The following GALNTL6 variants were observed in gnomAD, a reference collection of about 807,000 sequenced individuals.
GALNTL6 encodes polypeptide N-acetylgalactosaminyltransferase like 6, also known as polypeptide N-acetylgalactosaminyltransferase-like 6.
GALNTL6 carries 46 observed loss-of-function variants against 73.7 expected under a neutral mutation model. The observed-to-expected ratio is 0.62, with a 90% CI of 0.49 to 0.80. GALNTL6 has a LOEUF of 0.80. GALNTL6 is among the 30% of genes least tolerant of loss of function. GALNTL6 has a pLI of 0.00. For synonymous variants in GALNTL6, 259 were observed against 263.7 expected (o/e 0.98, Z 0.17); for missense variants, 604 against 755.0 (o/e 0.80, Z 2.34).
At chr4:172,709,248 C>T (rs1328522434) in intron 5 of GALNTL6, among the ~76,000 whole-genome samples, 1 of 152,098 alleles carries the variant, frequency 6.6e-6, no homozygotes, top group African/African-American at 2.4e-5. Context: ...CCTCCAAGCA[C>T]CCCATCAAAC....
rs184238929 is a variant in GALNTL6 at position 172,328,878 on chromosome 4, C to A, written c.386+17126C>A. Among the ~76,000 whole-genome samples the A allele has an allele frequency of 9.2e-5, 14 of 152,312 alleles. No individual in the cohort carries two copies. The East Asian group carries it at 2.1e-3, about 23-fold the overall frequency. On this transcript the variant is annotated intron_variant, in intron 4 of 12. Transcript: ENST00000506823. ...GTTTCTGTCATTTCAGCCAACTCAT[C>A]CTGGTTAAGAACCCTTGGAAAACTA...
chr4:172,128,121 G>A (rs1186051817), intron 2 of GALNTL6, among the ~76,000 whole-genome samples: 1 of 151,800 alleles, frequency 6.6e-6, no homozygotes, highest in Non-Finnish European at 1.5e-5. Flanking sequence ...GAAAAAAAAA[G>A]TGTCTAAACA....
At chr4:171,942,821 G>A (rs1738591960) in intron 2 of GALNTL6, among the ~76,000 whole-genome samples, 1 of 152,194 alleles carries the variant, frequency 6.6e-6, no homozygotes, top group Non-Finnish European at 1.5e-5. Flanking sequence ...TGTGATGGTT[G>A]TTTGAAAGGG....
intron 7 of GALNTL6, among the ~76,000 whole-genome samples, chr4:172,824,652 T>C (rs187624284): frequency 7.9e-5 from 12 of 152,244 alleles, no homozygotes; most frequent in African/African-American, 2.6e-4. Flanking sequence ...GAGTCTATGC[T>C]GCTGTCTTCT....
At chr4:172,017,401 C>T (rs1741235208) in intron 2 of GALNTL6, among the ~76,000 whole-genome samples, 1 of 152,054 alleles carries the variant, frequency 6.6e-6, no homozygotes, top group Non-Finnish European at 1.5e-5. Flanking sequence ...GGAGTGTGCT[C>T]CTCCTGTGGG....
rs201529254 is a variant in GALNTL6, at chr4:172,337,976, A to T, written c.387-10547A>T. On this transcript the variant is annotated intron_variant, in intron 4 of 12. Coordinates refer to ENST00000506823, the MANE Select transcript of GALNTL6 (RefSeq NM_001034845.3). Reference sequence around the variant, plus strand: ...GAAGACTTAATTCATTTTCTAATTTAAAAAAAAAAGATTTTTGCTTGACTA... The same window carrying T: ...GAAGACTTAATTCATTTTCTAATTTTAAAAAAAAAGATTTTTGCTTGACTA... Among the ~76,000 whole-genome samples, 124 of 149,082 alleles carry T rather than the reference A, an allele frequency of 8.3e-4. 2 individuals are homozygous for T. In the South Asian group the frequency reaches 0.016, roughly 19 times the overall value.
At chr4:172,524,127 A>G (rs1233970303) in intron 5 of GALNTL6, among the ~76,000 whole-genome samples, 1 of 152,204 alleles carries the variant, frequency 6.6e-6, no homozygotes, top group Non-Finnish European at 1.5e-5. Context: ...TATATAAATG[A>G]AGTTCAGTAA....
At chr4:172,933,784 C>T (rs992621778) in intron 9 of GALNTL6, among the ~76,000 whole-genome samples, 15 of 152,136 alleles carry the variant, frequency 9.9e-5, no homozygotes, top group African/African-American at 3.4e-4. Flanking sequence ...TGCAGGGCCA[C>T]GTCTACTCAA....
chr4:172,215,921 T>G (rs1388382061), intron 2 of GALNTL6, among the ~76,000 whole-genome samples: 1 of 152,136 alleles, frequency 6.6e-6, no homozygotes, highest in Non-Finnish European at 1.5e-5. Context: ...CTAATTAATC[T>G]AAGTCCACAG....
At chr4:172,073,764 C>T (rs982339257) in intron 2 of GALNTL6, among the ~76,000 whole-genome samples, 6 of 152,210 alleles carry the variant, frequency 3.9e-5, no homozygotes, top group African/African-American at 1.4e-4. Context: ...AAAAGCACTA[C>T]AGTTCTCAAC....
intron 2 of GALNTL6, among the ~76,000 whole-genome samples, chr4:172,074,076 T>C (rs547655480): frequency 6.6e-6 from 1 of 152,308 alleles, no homozygotes; most frequent in African/African-American, 2.4e-5. Context: ...TTGTGACTAA[T>C]CTCAATAACG....
At chr4:172,280,595 T>C (rs1197248874) in intron 3 of GALNTL6, among the ~76,000 whole-genome samples, 1 of 151,970 alleles carries the variant, frequency 6.6e-6, no homozygotes, top group Non-Finnish European at 1.5e-5. Context: ...TTTTAAAAGT[T>C]ACCATTCAAC....
chr4:172,910,084 G>T (rs1747118247), intron 8 of GALNTL6, among the ~76,000 whole-genome samples: 1 of 151,584 alleles, frequency 6.6e-6, no homozygotes, highest in South Asian at 2.1e-4. Context: ...TATTTATATT[G>T]AATAATTTAT....
At chr4:172,066,674 C>T (rs1031987819) in intron 2 of GALNTL6, among the ~76,000 whole-genome samples, 7 of 151,978 alleles carry the variant, frequency 4.6e-5, no homozygotes, top group Non-Finnish European at 8.8e-5. Context: ...AGCCTGAGTC[C>T]TCTGGAATCA....
intron 5 of GALNTL6, among the ~76,000 whole-genome samples, chr4:172,682,228 T>C (rs1732669420): frequency 6.6e-6 from 1 of 152,138 alleles, no homozygotes; most frequent in South Asian, 2.1e-4. Context: ...CGTTATTATT[T>C]AAGATAATTA....
intron 2 of GALNTL6, among the ~76,000 whole-genome samples, chr4:172,064,802 C>A (rs1170953166): frequency 6.6e-6 from 1 of 152,110 alleles, no homozygotes; most frequent in African/African-American, 2.4e-5. Flanking sequence ...TGTGCCTTTT[C>A]TTCACCTCCA....
intron 4 of GALNTL6, among the ~76,000 whole-genome samples, chr4:172,342,176 G>A (rs927400215): frequency 6.6e-6 from 1 of 151,874 alleles, no homozygotes; most frequent in Non-Finnish European, 1.5e-5. Context: ...TATTTATGGA[G>A]GATAGAGCAT....
chr4:172,502,206 C>T (rs1734286772), intron 5 of GALNTL6, among the ~76,000 whole-genome samples: 1 of 152,108 alleles, frequency 6.6e-6, no homozygotes, highest in East Asian at 1.9e-4. Flanking sequence ...CTTTGTGAAG[C>T]TCAGAATAAT....
At chr4:172,926,674 C>T (rs1748078307) in intron 8 of GALNTL6, among the ~76,000 whole-genome samples, 1 of 152,216 alleles carries the variant, frequency 6.6e-6, no homozygotes, top group African/African-American at 2.4e-5. Flanking sequence ...TATCTCCCAG[C>T]TGCAGATGAT....
Sources: gnomAD v4.1 joint callset for allele counts (sites outside exome capture counted in the v4.1 genomes callset) on GRCh38, gnomAD v4.1.1 for gene constraint, MANE v1.5 for transcripts, NCBI Gene and HGNC (gene_info 2026-07-23, HGNC 2026-07-21) for gene names.